Variants in EBF2 observed in about 807,000 individuals in gnomAD.
EBF2 encodes the protein EBF transcription factor 2.
EBF2 carries 21 observed loss-of-function variants against 72.8 expected under a neutral mutation model. That is an observed-to-expected ratio of 0.29 (90% CI 0.20 to 0.42). The LOEUF (loss-of-function observed/expected upper bound fraction) is 0.42, where lower values mean the gene tolerates loss of function less well. Ranked by LOEUF, EBF2 falls within the 10% of genes least tolerant of loss-of-function variation. The probability of loss-of-function intolerance (pLI) is 1.00; values close to 1 mark genes in which losing one functional copy is unlikely to be tolerated. For synonymous variants in EBF2, 299 were observed against 274.2 expected, an observed-to-expected ratio of 1.09 and a Z score of -0.89; for missense variants, 637 against 731.2, an observed-to-expected ratio of 0.87 and a Z score of 1.49.
intron 6 of EBF2, among the ~76,000 whole-genome samples, chr8:25,977,385 G>A (rs1340177709): frequency 2.0e-5 from 3 of 152,042 alleles, no homozygotes; most frequent in African/African-American, 7.2e-5. Flanking sequence ...CCAGTTAAAG[G>A]GGGTAGGGCC....
In EBF2 at chr8:25,844,044, T is replaced by C. The variant is rs1801783202; in HGVS notation, c.*565A>G. ...AATAATTGTAAAACATTTTAAAATT[T>C]TTCCCTTTTTTTGTTCATTTTTTAA... is the stretch of plus-strand genomic sequence containing the variant. On this transcript the variant is annotated 3_prime_UTR_variant, in exon 16 of 16. Coordinates refer to ENST00000520164, the MANE Select transcript of EBF2 (RefSeq NM_022659.4). 6.6e-6 allele frequency: 1 copy of C among 152,138 alleles called. No homozygotes were observed. The highest frequency in any genetic ancestry group is 2.1e-4 in the South Asian group (1 of 4,828). 9.4% of individuals were successfully genotyped at this position (152,138 alleles called of 1,614,324 possible). A position where few individuals can be genotyped will look rare whatever the true frequency, so the allele number is the denominator to read the frequency against.
At chr8:25,848,683 G>A (rs980997911) in intron 15 of EBF2, among the ~76,000 whole-genome samples, 2 of 152,146 alleles carry the variant, frequency 1.3e-5, no homozygotes, top group African/African-American at 4.8e-5. Flanking sequence ...TGGAAGTCAA[G>A]TATCCTTTTT....
intron 7 of EBF2, among the ~76,000 whole-genome samples, chr8:25,897,041 G>T (rs1005346038): frequency 6.6e-6 from 1 of 152,052 alleles, no homozygotes; most frequent in Admixed American, 6.5e-5. Context: ...CTCAGCAATG[G>T]CTGTTTCATA....
intron 6 of EBF2, among the ~76,000 whole-genome samples, chr8:25,985,940 C>T (rs58901016): frequency 0.018 from 2,195 of 125,090 alleles, 66 homozygotes; most frequent in African/African-American, 0.061. Flanking sequence ...AAGTTGAGGC[C>T]GCAGTAAGTT....
chr8:25,887,081 C>G (rs1214950414), intron 9 of EBF2, among the ~76,000 whole-genome samples, 200 bp from the exon 10 acceptor site: 1 of 151,558 alleles, frequency 6.6e-6, no homozygotes, highest in Non-Finnish European at 1.5e-5. Flanking sequence ...CTGTCTGTCT[C>G]TGTCTGTCTG....
intron 14 of EBF2, 87 bp from the exon 15 acceptor site, chr8:25,850,848 A>C: frequency 5.6e-6 from 8 of 1,422,826 alleles, no homozygotes; most frequent in Non-Finnish European, 2.8e-6. Flanking sequence ...AGAAATTGTT[A>C]ATTTCCATGC....
intron 10 of EBF2, among the ~76,000 whole-genome samples, chr8:25,880,793 C>T (rs1335487343): frequency 6.6e-6 from 1 of 152,166 alleles, no homozygotes; most frequent in Non-Finnish European, 1.5e-5. Context: ...TAAATGTATT[C>T]ATTAATCGAC....
At chr8:25,868,017 A>G (rs575826634) in intron 10 of EBF2, among the ~76,000 whole-genome samples, 2 of 152,348 alleles carry the variant, frequency 1.3e-5, no homozygotes, top group Admixed American at 6.5e-5. Flanking sequence ...ACACAAATAT[A>G]TGTAGACATT....
rs113924712 is a variant in EBF2, at chr8:25,870,245, AT to A, written c.1010-7449del. On this transcript the variant is annotated intron_variant, in intron 10 of 15. Coordinates refer to ENST00000520164, the MANE Select transcript of EBF2 (RefSeq NM_022659.4). ...AATTCTCAAAATTCATCATTGCCTA[AT>A]TTTTTTTTTTTTTAGAAATATGCAC... 7.8e-3 allele frequency among the ~76,000 whole-genome samples: 1,134 copies of A among 145,790 alleles called. 10 individuals carry two copies. The highest frequency in any genetic ancestry group is 0.019 in the African/African-American group (740 of 39,988).
At position 25,843,565 on chromosome 8, in the gene EBF2, G is replaced by A. The variant is rs1241814445; in HGVS notation, c.*1044C>T. The A allele has an allele frequency of 1.3e-5, 2 of 152,270 alleles. No individual in the cohort carries two copies. Among genetic ancestry groups the A allele is most frequent in the Non-Finnish European group, 2.9e-5 (2 of 68,106 alleles). The allele number at this position is 152,270 out of a possible 1,614,324, so 9.4% of individuals were successfully genotyped here. ...GGTTTTGGCTCTGCTAGAAGGTGAG[G>A]TGCTTCTTTCCTTGGGATGCTGAAA... On this transcript the variant is annotated 3_prime_UTR_variant, in exon 16 of 16. Transcript: ENST00000520164.
At chr8:25,911,381 T>C (rs1803127258) in intron 6 of EBF2, among the ~76,000 whole-genome samples, 1 of 152,174 alleles carries the variant, frequency 6.6e-6, no homozygotes, top group East Asian at 1.9e-4. Context: ...GAGCGAACAC[T>C]AACAATCACA....
intron 10 of EBF2, among the ~76,000 whole-genome samples, chr8:25,867,415 G>A (rs780721025): frequency 2.2e-4 from 34 of 152,102 alleles, no homozygotes; most frequent in Admixed American, 6.6e-5. Flanking sequence ...TCTTAACCCC[G>A]AGTTAACATT....
intron 6 of EBF2, among the ~76,000 whole-genome samples, chr8:25,953,806 C>T (rs1803900366): frequency 6.6e-6 from 1 of 152,222 alleles, no homozygotes; most frequent in South Asian, 2.1e-4. Context: ...GTTAGGGCAA[C>T]ATCACACAGA....
At chr8:26,019,613 G>T (rs1585230097) in intron 6 of EBF2, among the ~76,000 whole-genome samples, 1 of 152,180 alleles carries the variant, frequency 6.6e-6, no homozygotes, top group Admixed American at 6.5e-5. Context: ...CAGCAGCTGA[G>T]CCCATGTACT....
chr8:25,959,953 G>T (rs1011768147), intron 6 of EBF2, among the ~76,000 whole-genome samples: 2 of 152,178 alleles, frequency 1.3e-5, no homozygotes, highest in African/African-American at 4.8e-5. Flanking sequence ...ATATCCAAGG[G>T]TAAACCTAGA....
At chr8:26,021,365 G>A (rs1179413899) in intron 6 of EBF2, among the ~76,000 whole-genome samples, 1 of 152,162 alleles carries the variant, frequency 6.6e-6, no homozygotes, top group East Asian at 1.9e-4. Flanking sequence ...AGAAGGCAAA[G>A]GTTATGAGCC....
Position 26,040,096 on chromosome 8 carries a change from G to A in EBF2, c.414C>T (p.Ile138=). 1.9e-6 allele frequency: 3 copies of A among 1,613,902 alleles called. No homozygotes were observed. Among genetic ancestry groups the A allele is most frequent in the Non-Finnish European group, 2.5e-6 (3 of 1,179,872 alleles). The change falls in exon 5 of 16, where the codon ATC becomes ATT. Residue 138 remains isoleucine (I), a synonymous_variant. Transcript: ENST00000520164. ...RLIDSVTKQP[I]AYEGQNKNPE... ...GATTCTTATTCTGTCCCTCGTAAGCGATGGGCTGTGAAGGAGGTAGTGGCA... is the reference window on the plus strand; with the variant it reads ...GATTCTTATTCTGTCCCTCGTAAGCAATGGGCTGTGAAGGAGGTAGTGGCA...
intron 7 of EBF2, among the ~76,000 whole-genome samples, chr8:25,894,722 A>G (rs981790495): frequency 6.6e-6 from 1 of 152,200 alleles, no homozygotes; most frequent in Non-Finnish European, 1.5e-5. Context: ...CAAGGTCAAC[A>G]TTTCTTACCA....
chr8:25,918,252 C>G (rs948755682), intron 6 of EBF2, among the ~76,000 whole-genome samples: 52 of 152,286 alleles, frequency 3.4e-4, no homozygotes, highest in African/African-American at 1.2e-3. Flanking sequence ...GATTGTGCAT[C>G]TATGTAATGT....
Sources: allele counts gnomAD v4.1 joint callset (sites outside exome capture counted in the v4.1 genomes callset), GRCh38; gene constraint gnomAD v4.1.1; transcripts MANE v1.5; gene names NCBI Gene and HGNC (gene_info 2026-07-23, HGNC 2026-07-21).